Variants in SLC22A24 observed in about 807,000 individuals in gnomAD.
SLC22A24 encodes the protein solute carrier family 22 member 24, also known as steroid transmembrane transporter SLC22A24.
In SLC22A24, 53 loss-of-function variants were observed where a neutral mutation model predicts 49.8. The ratio of observed to expected loss-of-function variants is 1.06; its 90% CI spans 0.85 to 1.34. SLC22A24 has a LOEUF of 1.34. SLC22A24 is among the 40% of genes most tolerant of loss of function. The pLI is 0.00. For synonymous variants in SLC22A24, 302 were observed against 256.4 expected (o/e 1.18, Z -1.70); for missense variants, 786 against 675.9 (o/e 1.16, Z -1.81).
At chr11:63,127,784 G>T (rs144260182) in intron 2 of SLC22A24, among the ~76,000 whole-genome samples, 9 of 152,048 alleles carry the variant, frequency 5.9e-5, no homozygotes, top group Non-Finnish European at 4.4e-5. Flanking sequence ...CTTCTTTTGA[G>T]AAATGTTGTT....
In SLC22A24 at chr11:63,104,236, TC is replaced by T; in HGVS notation, c.892del (p.Glu298SerfsTer8). On this transcript the variant is annotated frameshift_variant, in exon 5 of 10. Transcript: ENST00000612278. LOFTEE classifies it high-confidence loss of function. ...INNQLDEGLK[E>X]LRRVAHINGK... Reference sequence around the variant, plus strand: ...ATTTATGTGTGCAACTCTTCTAAGCTCCTTTAAGCCCTCATCTAGCTGATTG... The same window carrying T: ...ATTTATGTGTGCAACTCTTCTAAGCTCTTTAAGCCCTCATCTAGCTGATTG... 1.3e-6 allele frequency: 2 copies of T among 1,550,844 alleles called. No homozygotes were observed. Among genetic ancestry groups the T allele is most frequent in the South Asian group, 1.2e-5 (1 of 84,054 alleles).
intron 6 of SLC22A24, among the ~76,000 whole-genome samples, chr11:63,086,204 A>T (rs1469140635): frequency 6.6e-6 from 1 of 152,214 alleles, no homozygotes; most frequent in Admixed American, 6.5e-5. Context: ...CCAAAGGAAT[A>T]TAAATCATTC....
At chr11:63,118,877 C>T (rs753139006) in intron 4 of SLC22A24, 35 bp downstream of exon 4, 22 of 1,550,646 alleles carry the variant, frequency 1.4e-5, no homozygotes, top group Admixed American at 3.9e-5. Context: ...ACCATAGCCT[C>T]GCTTACAGGC....
At chr11:63,126,172 C>G (rs572725958) in intron 2 of SLC22A24, among the ~76,000 whole-genome samples, 1 of 152,256 alleles carries the variant, frequency 6.6e-6, no homozygotes, top group South Asian at 2.1e-4. Flanking sequence ...AATTAGATCC[C>G]ATTTGTCTAT....
At chr11:63,125,990 C>T (rs2087287733) in intron 2 of SLC22A24, among the ~76,000 whole-genome samples, 1 of 152,226 alleles carries the variant, frequency 6.6e-6, no homozygotes, top group South Asian at 2.1e-4. Context: ...CCTTCGCCCA[C>T]TTTTTGATGG....
intron 4 of SLC22A24, among the ~76,000 whole-genome samples, chr11:63,107,876 C>T (rs183044805): frequency 0.039 from 5,933 of 152,158 alleles, 163 homozygotes; most frequent in Non-Finnish European, 0.063. Flanking sequence ...ATGTCATCTG[C>T]AAACATGGAC....
rs1273380325 is a variant in SLC22A24 at position 63,081,087 on chromosome 11, C to A, written c.1431G>T (p.Arg477Ser). The change falls in exon 9 of 10, where the codon AGG becomes AGT. Residue 477 changes from arginine to serine, a missense_variant. By Grantham distance (110) the Arg-to-Ser change is moderately radical (BLOSUM62 -1). Coordinates refer to ENST00000612278, the MANE Select transcript of SLC22A24 (RefSeq NM_001136506.2). The stretch of plus-strand genomic sequence containing the variant: ...ACAGAGGAGCCAGTGCTGCCCCAGT[C>A]CTACCGGACACTGCATTGATTCCTG... ...TVAGINAVSG[R>S]TGAALAPLLM... The A allele has an allele frequency of 1.3e-6, 2 of 1,551,616 alleles. No homozygotes were observed. The highest frequency in any genetic ancestry group is 2.4e-5 in the East Asian group (1 of 40,924).
intron 5 of SLC22A24, among the ~76,000 whole-genome samples, chr11:63,099,153 A>T (rs1590733442): frequency 2.0e-5 from 3 of 152,134 alleles, no homozygotes; most frequent in Non-Finnish European, 4.4e-5. Flanking sequence ...ACAGGAACTG[A>T]TGATTTCGCT....
At chr11:63,125,473 C>T (rs1344742647) in intron 2 of SLC22A24, among the ~76,000 whole-genome samples, 1 of 152,160 alleles carries the variant, frequency 6.6e-6, no homozygotes, top group African/African-American at 2.4e-5. Context: ...CATGTCTCTG[C>T]AAAGGACATG....
intron 6 of SLC22A24, among the ~76,000 whole-genome samples, chr11:63,092,568 A>T (rs1247749748): frequency 3.0e-5 from 2 of 67,310 alleles, no homozygotes; most frequent in Admixed American, 3.4e-4. Context: ...TCTTTGACGA[A>T]CCTGACATAA....
chr11:63,126,626 T>A (rs1014411099), intron 2 of SLC22A24, among the ~76,000 whole-genome samples: 1 of 152,180 alleles, frequency 6.6e-6, no homozygotes, highest in African/African-American at 2.4e-5. Context: ...TGCTAAGGAT[T>A]TTCTTAGCTA....
chr11:63,100,026 T>C (rs2087081165), intron 5 of SLC22A24, among the ~76,000 whole-genome samples: 2 of 152,126 alleles, frequency 1.3e-5, no homozygotes, highest in Non-Finnish European at 2.9e-5. Context: ...AAGACAAGGA[T>C]GCTCATTTTC....
intron 6 of SLC22A24, among the ~76,000 whole-genome samples, chr11:63,084,258 A>G (rs1944048): frequency 0.51 from 77,253 of 151,912 alleles, 19,703 homozygotes; most frequent in Middle Eastern, 0.55. Flanking sequence ...GCTACAAGCA[A>G]TGGGTTATTA....
chr11:63,086,913 G>T (rs1350563883), intron 6 of SLC22A24, among the ~76,000 whole-genome samples: 1 of 151,940 alleles, frequency 6.6e-6, no homozygotes, highest in African/African-American at 2.4e-5. Flanking sequence ...ATGGGATGTA[G>T]GTTTGGCAAT....
At chr11:63,102,814 C>G (rs899008390) in intron 5 of SLC22A24, among the ~76,000 whole-genome samples, 1 of 152,132 alleles carries the variant, frequency 6.6e-6, no homozygotes, top group Non-Finnish European at 1.5e-5. Context: ...TAACGTTTGC[C>G]TGGCTGCACT....
At chr11:63,129,349 A>G (rs2134676410) in intron 2 of SLC22A24, among the ~76,000 whole-genome samples, 1 of 152,262 alleles carries the variant, frequency 6.6e-6, no homozygotes, top group South Asian at 2.1e-4. Context: ...CTGTTTTGGT[A>G]CCCGTACCAT....
In SLC22A24 at chr11:63,138,989, A is replaced by G. The variant is rs528364923; in HGVS notation, c.403-4221T>C. On this transcript the variant is annotated intron_variant, in intron 1 of 9. Coordinates refer to ENST00000612278, the MANE Select transcript of SLC22A24 (RefSeq NM_001136506.2). ...GTTACCTTTGGTAAAGTTTAGAAAT[A>G]TTGGCTGCTTGGGTAATAAGAGATC... Among the ~76,000 whole-genome samples the G allele has an allele frequency of 3.3e-5, 5 of 152,324 alleles. No individual in the cohort carries two copies. The South Asian group carries it at 1.0e-3, about 32-fold the overall frequency.
intron 2 of SLC22A24, among the ~76,000 whole-genome samples, chr11:63,131,377 G>A (rs902858842): frequency 6.6e-6 from 1 of 152,090 alleles, no homozygotes; most frequent in African/African-American, 2.4e-5. Context: ...TAGTGTCAAT[G>A]GTCTTTACAA....
At chr11:63,089,563 A>G (rs1344413010) in intron 6 of SLC22A24, among the ~76,000 whole-genome samples, 2 of 152,242 alleles carry the variant, frequency 1.3e-5, no homozygotes, top group Admixed American at 1.3e-4. Context: ...AAATTCACAC[A>G]TAACAATATT....
Sources: gnomAD v4.1 joint callset for allele counts (sites outside exome capture counted in the v4.1 genomes callset) on GRCh38, gnomAD v4.1.1 for gene constraint, MANE v1.5 for transcripts, NCBI Gene and HGNC (gene_info 2026-07-23, HGNC 2026-07-21) for gene names.